The following ABCA8 variants were observed in gnomAD, a reference collection of about 807,000 sequenced individuals.
The protein encoded by ABCA8 is ABC-type organic anion transporter ABCA8.
A neutral mutation model predicts 192.3 loss-of-function variants in ABCA8; 177 were observed. The ratio of observed to expected loss-of-function variants is 0.92; its 90% confidence interval spans 0.81 to 1.04. The LOEUF is 1.04. Among genes scored for constraint, ABCA8 ranks in the 50% least tolerant of loss-of-function variants. The pLI is 0.00. For missense variants in ABCA8, 1,915 were observed against 1,904.8 expected, an observed-to-expected ratio of 1.01 and a Z score of -0.10; for synonymous variants, 642 against 690.2, an observed-to-expected ratio of 0.93 and a Z score of 1.09.
At chr17:68,932,227 T>C (rs2067912958) in intron 7 of ABCA8, 61 bp downstream of exon 7, 2 of 1,324,676 alleles carry the variant, frequency 1.5e-6, no homozygotes, top group South Asian at 2.7e-5. Context: ...AAAAGATGCA[T>C]TGAAGATTCC....
chr17:68,883,686 C>T (rs1002290283), intron 29 of ABCA8, 105 bp downstream of exon 29: 7 of 696,652 alleles, frequency 1.0e-5, no homozygotes, highest in Non-Finnish European at 1.7e-5. Context: ...CTACTCCAGC[C>T]TATCCTAGCA....
chr17:68,874,858 C>T (rs902541015), intron 37 of ABCA8, among the ~76,000 whole-genome samples: 2 of 152,204 alleles, frequency 1.3e-5, no homozygotes, highest in African/African-American at 4.8e-5. Context: ...AGGTTTACCT[C>T]TTGGTTCTGC....
At chr17:68,882,265 G>A (rs1229122725) in intron 30 of ABCA8, among the ~76,000 whole-genome samples, 5 of 152,146 alleles carry the variant, frequency 3.3e-5, no homozygotes, top group African/African-American at 1.2e-4. Flanking sequence ...ACTTAGAGAA[G>A]CACTGATTAT....
chr17:68,919,164 C>T (rs1414665246), intron 14 of ABCA8, 137 bp downstream of exon 14: 2 of 746,052 alleles, frequency 2.7e-6, no homozygotes, highest in Non-Finnish European at 4.2e-6. Context: ...GCAATGTTAG[C>T]TATTGTTTAA....
intron 32 of ABCA8, chr17:68,878,043 G>A (rs1199450697): frequency 5.6e-6 from 1 of 178,982 alleles, no homozygotes; most frequent in African/African-American, 2.4e-5. Flanking sequence ...TACCTCCTAT[G>A]TAACAAGTGC....
In ABCA8 at chr17:68,929,708, G is replaced by A. The variant is rs2067806105; in HGVS notation, c.798-6C>T. ...AGAGCAAACCCCAGGAGAGCCTAAT[G>A]TGGAAACAAAATGTTATTTTAGTAT... On this transcript the variant is annotated splice_region_variant and splice_polypyrimidine_tract_variant and intron_variant, in intron 7 of 39. Coordinates refer to ENST00000586539, the MANE Select transcript of ABCA8 (RefSeq NM_001288985.2). 1.3e-6 allele frequency: 2 copies of A among 1,592,240 alleles called. No homozygotes were observed. The highest frequency in any genetic ancestry group is 1.9e-5 in the Admixed American group (1 of 52,984).
At position 68,932,602 on chromosome 17, in the gene ABCA8, G is replaced by A. The variant is rs28490038; in HGVS notation, c.571-88C>T. 17,290 of 978,666 alleles carry A rather than the reference G, an allele frequency of 0.018. 1,792 individuals carry two copies. The African/African-American group carries it at 0.23, about 13-fold the overall frequency. The allele number at this position is 978,666 out of a possible 1,614,324, so 60.6% of individuals were successfully genotyped here. ...ACCATCTATTTTCTTGTGGATGTAT[G>A]ATTGGCCTATTGGGATTTGATACTA... is the stretch of plus-strand genomic sequence containing the variant. On this transcript the variant is annotated intron_variant, in intron 6 of 39. Transcript: ENST00000586539.
At chr17:68,947,456 T>G (rs991225494) in intron 2 of ABCA8, among the ~76,000 whole-genome samples, 2 of 152,200 alleles carry the variant, frequency 1.3e-5, no homozygotes, top group Non-Finnish European at 2.9e-5. Context: ...CAGTGTTATG[T>G]TAGCTTTATT....
At chr17:68,904,681 G>A (rs1384218412) in intron 19 of ABCA8, among the ~76,000 whole-genome samples, 1 of 152,154 alleles carries the variant, frequency 6.6e-6, no homozygotes, top group African/African-American at 2.4e-5. Flanking sequence ...CAGCATCTAC[G>A]AACTTTTTTT....
Position 68,919,332 on chromosome 17 carries a change from T to C in ABCA8, c.1757A>G (p.Lys586Arg). 1 of 1,613,178 alleles carries C rather than the reference T, an allele frequency of 6.2e-7. No homozygotes were observed. Among genetic ancestry groups the C allele is most frequent in the South Asian group, 1.1e-5 (1 of 90,770 alleles). The change falls in exon 14 of 40, where the codon AAA (lysine) becomes AGA (arginine). Residue 586 changes from lysine (K) to arginine (R), a missense_variant. Transcript: ENST00000586539. Reference protein sequence around the residue: ...RENLRLFAKIKGILPQEVDKE... With the variant: ...RENLRLFAKIRGILPQEVDKE... ...ATCCACTTCTTGTGGCAGAATCCCT[T>C]TTATTTTAGCAAAGAGTCTGAGGTT...
At chr17:68,926,758 TAAAAACAACAAAAAC>T (rs2067712020) in intron 10 of ABCA8, among the ~76,000 whole-genome samples, 1 of 152,156 alleles carries the variant, frequency 6.6e-6, no homozygotes, top group Admixed American at 6.5e-5. Flanking sequence ...AGGATTGTCT[TAAAAACAACAAAAAC>T]AAAAACAAAA....
At chr17:68,918,212 G>T in intron 15 of ABCA8, 27 bp from the exon 16 acceptor site, 1 of 1,611,348 alleles carries the variant, frequency 6.2e-7, no homozygotes, top group Non-Finnish European at 8.5e-7. Context: ...TATATAAGGC[G>T]GTTTTCCTCA....
rs146439029 is a variant in ABCA8 at position 68,924,854 on chromosome 17, C to A, written c.1289G>T (p.Arg430Leu). 1 of 1,613,702 alleles carries A rather than the reference C, an allele frequency of 6.2e-7. No individual in the cohort carries two copies. The highest frequency in any genetic ancestry group is 2.2e-5 in the East Asian group (1 of 44,868). Reference sequence around the variant, plus strand: ...CTTCAGGAAAAACAAAGGTGGACGTCGATGTCCATATTCATCTACATGGCC... The same window carrying A: ...CTTCAGGAAAAACAAAGGTGGACGTAGATGTCCATATTCATCTACATGGCC... Reference protein sequence around the residue: ...EKILPNEYGHRRPPLFFLKSS... With the variant: ...EKILPNEYGHLRPPLFFLKSS... Residue 430 changes from arginine to leucine, a missense_variant, in exon 11 of 40, where the codon CGA (arginine) becomes CTA (leucine). Physicochemically the swap from Arg to Leu is moderately radical, Grantham distance 102. Coordinates refer to ENST00000586539, the MANE Select transcript of ABCA8 (RefSeq NM_001288985.2).
intron 21 of ABCA8, among the ~76,000 whole-genome samples, chr17:68,895,769 C>T (rs373090579): frequency 1.3e-5 from 2 of 152,296 alleles, no homozygotes; most frequent in African/African-American, 4.8e-5. Flanking sequence ...CCCACATCTG[C>T]GTTGCAGAAG....
chr17:68,940,987 A>G (rs1160534349), intron 3 of ABCA8, 25 bp from the exon 4 acceptor site: 1 of 1,537,762 alleles, frequency 6.5e-7, no homozygotes, highest in African/African-American at 1.4e-5. Context: ...AAAAAAGATA[A>G]AGAAAAGTCT....
At chr17:68,935,570 T>TATATATATATATATATATATA (rs1389554406) in intron 5 of ABCA8, among the ~76,000 whole-genome samples, 24 of 48,398 alleles carry the variant, frequency 5.0e-4, no homozygotes, top group Non-Finnish European at 8.3e-4. Flanking sequence ...ATATATATAT[T>TATATATATATATATATATATA]ATCTTCTTTA....
intron 24 of ABCA8, among the ~76,000 whole-genome samples, chr17:68,890,798 C>T (rs1046494184): frequency 3.3e-5 from 5 of 152,214 alleles, no homozygotes; most frequent in Admixed American, 1.3e-4. Flanking sequence ...AGATTACAGG[C>T]GTGAGCCACC....
intron 13 of ABCA8, among the ~76,000 whole-genome samples, chr17:68,920,574 A>T (rs1431377562): frequency 6.6e-6 from 1 of 152,328 alleles, no homozygotes; most frequent in Admixed American, 6.5e-5. Context: ...CTTCCACAGA[A>T]TATTACTATT....
intron 12 of ABCA8, 64 bp from the exon 13 acceptor site, chr17:68,921,556 A>C: frequency 9.7e-7 from 1 of 1,030,652 alleles, no homozygotes; most frequent in Non-Finnish European, 1.5e-6. Context: ...TTAAAACCAC[A>C]AAAAATATTC....
Sources: gnomAD v4.1 joint callset for allele counts (sites outside exome capture counted in the v4.1 genomes callset) on GRCh38, gnomAD v4.1.1 for gene constraint, MANE v1.5 for transcripts, NCBI Gene and HGNC (gene_info 2026-07-23, HGNC 2026-07-21) for gene names.